The following CERK variants were observed in gnomAD, a reference collection of about 807,000 sequenced individuals.
The protein encoded by CERK is ceramide kinase, also known as acylsphingosine kinase.
CERK carries 39 observed loss-of-function variants against 63.4 expected under a neutral mutation model. The observed-to-expected ratio is 0.61, with a 90% CI of 0.48 to 0.80. The LOEUF (loss-of-function observed/expected upper bound fraction) is 0.80. Ranked by LOEUF, CERK falls within the 30% of genes least tolerant of loss-of-function variation. The pLI is 0.00. For missense variants in CERK, 670 were observed against 714.1 expected (o/e 0.94, Z 0.70); for synonymous variants, 302 against 280.0 (o/e 1.08, Z -0.78).
At chr22:46,701,785 G>T in intron 6 of CERK, 75 bp from the exon 7 acceptor site, 1 of 1,069,096 alleles carries the variant, frequency 9.4e-7, no homozygotes. Flanking sequence ...TCAGTGAGTG[G>T]TACCTCATTC....
chr22:46,737,032 A>G (rs1355203892), intron 1 of CERK, among the ~76,000 whole-genome samples: 2 of 152,228 alleles, frequency 1.3e-5, no homozygotes, highest in South Asian at 4.1e-4. Context: ...GGTTGCTCAC[A>G]CCTGTAATCC....
At chr22:46,688,314 A>G (rs918580909) in intron 12 of CERK, among the ~76,000 whole-genome samples, 8 of 152,134 alleles carry the variant, frequency 5.3e-5, no homozygotes. Context: ...ATCAAGATAG[A>G]CAGGACGTAT....
rs142502026 is a variant in CERK, at chr22:46,711,573, G to A, written c.506-424C>T. 1.4e-4 allele frequency among the ~76,000 whole-genome samples: 21 copies of A among 152,196 alleles called. No homozygotes were observed. The East Asian group carries it at 3.1e-3, about 22-fold the overall frequency. On this transcript the variant is annotated intron_variant, in intron 4 of 12. Transcript: ENST00000216264. The stretch of plus-strand genomic sequence containing the variant: ...GTCCCCCCACCCCACAACAGGCCCC[G>A]GTGTGTGATGTGAGATTATTTCTAA...
intron 9 of CERK, among the ~76,000 whole-genome samples, chr22:46,694,604 C>T (rs370986949): frequency 1.3e-5 from 2 of 152,332 alleles, no homozygotes; most frequent in South Asian, 4.1e-4. Context: ...CTGGCACCAG[C>T]CCTTGTTGCC....
At chr22:46,687,829 C>T (rs765732319) in intron 12 of CERK, among the ~76,000 whole-genome samples, 2 of 152,202 alleles carry the variant, frequency 1.3e-5, no homozygotes, top group Non-Finnish European at 2.9e-5. Context: ...CACAGGACAG[C>T]TCTATTTATC....
rs138263064 is a variant in CERK, at chr22:46,702,545, C to A, written c.716-835G>T. Among the ~76,000 whole-genome samples, 3 of 152,132 alleles carry A rather than the reference C, an allele frequency of 2.0e-5. No homozygotes were observed. In the South Asian group the frequency reaches 6.2e-4, roughly 31 times the overall value. ...TGACCTCGTGATCCGCCCGCCTTGG[C>A]CTCCCAAAGTGCTGGGATTAGGCGT... On this transcript the variant is annotated intron_variant, in intron 6 of 12. Coordinates refer to ENST00000216264, the MANE Select transcript of CERK (RefSeq NM_022766.6).
chr22:46,703,620 G>A (rs1362512125), intron 6 of CERK, among the ~76,000 whole-genome samples: 2 of 152,278 alleles, frequency 1.3e-5, no homozygotes, highest in East Asian at 3.9e-4. Flanking sequence ...ATGCTGCGGA[G>A]CAGAGACTCC....
At chr22:46,703,656 C>T (rs1024699887) in intron 6 of CERK, among the ~76,000 whole-genome samples, 9 of 152,184 alleles carry the variant, frequency 5.9e-5, no homozygotes, top group Admixed American at 3.9e-4. Flanking sequence ...AGCTACACCC[C>T]GGAGTCTCAG....
At chr22:46,702,953 G>A (rs556066035) in intron 6 of CERK, among the ~76,000 whole-genome samples, 9 of 152,258 alleles carry the variant, frequency 5.9e-5, no homozygotes, top group Middle Eastern at 3.4e-3. Context: ...GCCGCCACCC[G>A]AGTAACGACC....
rs1431259924 is a variant in CERK at position 46,684,741 on chromosome 22, G to C, written c.*2393C>G. The C allele has an allele frequency of 6.6e-6, 1 of 152,094 alleles. No homozygotes were observed. The highest frequency in any genetic ancestry group is 1.9e-4 in the East Asian group (1 of 5,180). 9.4% of individuals were successfully genotyped at this position (152,094 alleles called of 1,614,324 possible). On this transcript the variant is annotated 3_prime_UTR_variant, in exon 13 of 13. Transcript: ENST00000216264. ...TTTTCCCTTAAAACTCTAAAGTACA[G>C]GTGTTGTATGTCTGCCGCATCTGAA...
intron 6 of CERK, among the ~76,000 whole-genome samples, chr22:46,703,738 C>T (rs902921874): frequency 9.2e-5 from 14 of 152,224 alleles, no homozygotes; most frequent in Admixed American, 1.3e-4. Flanking sequence ...TAGGACCAAA[C>T]GCAGAGAGCG....
intron 1 of CERK, among the ~76,000 whole-genome samples, chr22:46,728,547 G>A (rs760079128): frequency 9.8e-5 from 15 of 152,310 alleles, no homozygotes; most frequent in East Asian, 1.9e-4. Flanking sequence ...TGTGAAGCCC[G>A]CAGCACTGCA....
intron 1 of CERK, among the ~76,000 whole-genome samples, chr22:46,730,931 A>G (rs1233907080): frequency 6.6e-6 from 1 of 152,246 alleles, no homozygotes; most frequent in Non-Finnish European, 1.5e-5. Context: ...CAGCTTTGCA[A>G]GACAGAAAAC....
intron 1 of CERK, among the ~76,000 whole-genome samples, chr22:46,729,284 G>C: frequency 6.6e-6 from 1 of 152,160 alleles, no homozygotes; most frequent in East Asian, 1.9e-4. Context: ...AGGACGGCTT[G>C]TGCTCAAGAG....
At chr22:46,736,376 G>A (rs996028293) in intron 1 of CERK, among the ~76,000 whole-genome samples, 2 of 152,212 alleles carry the variant, frequency 1.3e-5, no homozygotes, top group Non-Finnish European at 1.5e-5. Flanking sequence ...TTACAGCCCA[G>A]TGGCTACAAG....
chr22:46,713,638 C>G (rs1179691075), intron 3 of CERK, among the ~76,000 whole-genome samples: 1 of 152,064 alleles, frequency 6.6e-6, no homozygotes, highest in African/African-American at 2.4e-5. Flanking sequence ...AATCGAGACG[C>G]AGTCCACACA....
chr22:46,729,041 C>T (rs1236397841), intron 1 of CERK, among the ~76,000 whole-genome samples: 2 of 152,212 alleles, frequency 1.3e-5, no homozygotes, highest in Admixed American at 1.3e-4. Context: ...GCCATCTGTA[C>T]CCAGCCAGGC....
At chr22:46,716,186 T>C (rs947543992) in intron 3 of CERK, among the ~76,000 whole-genome samples, 3 of 146,866 alleles carry the variant, frequency 2.0e-5, no homozygotes, top group Non-Finnish European at 4.5e-5. Context: ...CAAGACCTCA[T>C]CTCCCTTTTT....
intron 1 of CERK, among the ~76,000 whole-genome samples, chr22:46,736,847 G>A (rs1035209799): frequency 6.6e-6 from 1 of 152,084 alleles, no homozygotes; most frequent in Non-Finnish European, 1.5e-5. Context: ...GCGCCCAGAA[G>A]AACTCCTGAC....
Sources: allele counts gnomAD v4.1 joint callset (sites outside exome capture counted in the v4.1 genomes callset), GRCh38; gene constraint gnomAD v4.1.1; transcripts MANE v1.5; gene names NCBI Gene and HGNC (gene_info 2026-07-23, HGNC 2026-07-21).